FGGY: variants seen among roughly 807,000 people sequenced by gnomAD.
FGGY encodes the protein FGGY carbohydrate kinase domain containing, also known as FGGY carbohydrate kinase domain-containing protein.
FGGY carries 72 observed loss-of-function variants against 71.3 expected under a neutral mutation model. The observed-to-expected ratio is 1.01, with a 90% CI of 0.84 to 1.23. FGGY has a LOEUF of 1.23. FGGY is among the 50% of genes most tolerant of loss of function. The pLI, the probability that FGGY is intolerant of heterozygous loss-of-function variation, is 0.00. For missense variants in FGGY, 668 were observed against 682.3 expected, an observed-to-expected ratio of 0.98 and a Z score of 0.23; for synonymous variants, 251 against 250.3, an observed-to-expected ratio of 1.00 and a Z score of -0.02.
At chr1:59,744,606 G>A (rs759737337) in intron 14 of FGGY, among the ~76,000 whole-genome samples, 8 of 152,166 alleles carry the variant, frequency 5.3e-5, no homozygotes, top group East Asian at 1.9e-4. Context: ...GTCTGACATC[G>A]GACAATGAAG....
intron 1 of FGGY, among the ~76,000 whole-genome samples, chr1:59,320,222 A>T (rs2046151641): frequency 6.6e-6 from 1 of 152,242 alleles, no homozygotes; most frequent in Admixed American, 6.5e-5. Context: ...TTAAGACAGA[A>T]GCAATTACTT....
intron 9 of FGGY, among the ~76,000 whole-genome samples, chr1:59,613,352 AC>A (rs1177101595): frequency 1.3e-5 from 2 of 152,158 alleles, no homozygotes; most frequent in Non-Finnish European, 2.9e-5. Context: ...CTCACTCAAA[AC>A]CACTCAACTA....
intron 15 of FGGY, among the ~76,000 whole-genome samples, chr1:59,760,455 A>G (rs1011255955): frequency 6.6e-6 from 1 of 152,222 alleles, no homozygotes; most frequent in Non-Finnish European, 1.5e-5. Flanking sequence ...ATATACCCAA[A>G]AGAACTGAAA....
At chr1:59,504,004 A>T (rs1452784274) in intron 6 of FGGY, among the ~76,000 whole-genome samples, 1 of 152,150 alleles carries the variant, frequency 6.6e-6, no homozygotes, top group East Asian at 1.9e-4. Flanking sequence ...AGGCCAAAAA[A>T]AGTCTGAGCA....
intron 10 of FGGY, among the ~76,000 whole-genome samples, chr1:59,632,634 C>T (rs2096918511): frequency 6.6e-6 from 1 of 152,206 alleles, no homozygotes; most frequent in African/African-American, 2.4e-5. Flanking sequence ...GTATGTTTGG[C>T]ACTGTGCTTA....
At chr1:59,695,909 T>TA (rs1340945509) in intron 14 of FGGY, among the ~76,000 whole-genome samples, 3 of 152,304 alleles carry the variant, frequency 2.0e-5, no homozygotes, top group South Asian at 2.1e-4. Flanking sequence ...GGTTTTTTTT[T>TA]TATATATTAC....
rs750108624 is a variant in FGGY, at chr1:59,673,098, C to T, written c.1418-941C>T. ...ATACTGGTCTAAATGCCAGGGATTC[C>T]GCAGTAGTCAAAACAGAGTCCCTAC... On this transcript the variant is annotated intron_variant, in intron 13 of 15. Transcript: ENST00000303721. 2.0e-4 allele frequency among the ~76,000 whole-genome samples: 31 copies of T among 152,212 alleles called. No individual in the cohort carries two copies. The East Asian group carries it at 2.9e-3, about 14-fold the overall frequency.
At chr1:59,566,958 C>A (rs2095883056) in intron 8 of FGGY, among the ~76,000 whole-genome samples, 1 of 152,054 alleles carries the variant, frequency 6.6e-6, no homozygotes, top group African/African-American at 2.4e-5. Flanking sequence ...AGAAGGATAT[C>A]ATACAATAGT....
chr1:59,432,071 G>A (rs371292793), intron 5 of FGGY, among the ~76,000 whole-genome samples: 10 of 152,144 alleles, frequency 6.6e-5, no homozygotes, highest in African/African-American at 2.4e-4. Flanking sequence ...GAGAGAGGCT[G>A]GAGATTGAGT....
intron 11 of FGGY, among the ~76,000 whole-genome samples, chr1:59,646,424 ACCAAATTGGTGTTTT>A (rs959221540): frequency 6.6e-6 from 1 of 151,454 alleles, no homozygotes; most frequent in African/African-American, 2.4e-5. Flanking sequence ...TAATCACAAT[ACCAAATTGGTGTTTT>A]CCAAATTGGT....
intron 7 of FGGY, among the ~76,000 whole-genome samples, chr1:59,523,242 G>T (rs576228528): frequency 3.3e-5 from 5 of 152,332 alleles, no homozygotes; most frequent in African/African-American, 1.2e-4. Flanking sequence ...TGCAAGAGTA[G>T]GATCAGGTCC....
At chr1:59,687,632 A>ATTTTT in intron 14 of FGGY, among the ~76,000 whole-genome samples, 1 of 133,806 alleles carries the variant, frequency 7.5e-6, no homozygotes, top group East Asian at 2.2e-4. Flanking sequence ...ACACCTGGCT[A>ATTTTT]TTTTTTTTTT....
chr1:59,515,831 C>T (rs2094632692), intron 7 of FGGY, among the ~76,000 whole-genome samples: 1 of 152,184 alleles, frequency 6.6e-6, no homozygotes, highest in African/African-American at 2.4e-5. Flanking sequence ...TTCCCAGTCT[C>T]AGGTTTGTCT....
At chr1:59,640,382 A>G (rs1054274436) in intron 11 of FGGY, among the ~76,000 whole-genome samples, 3 of 152,230 alleles carry the variant, frequency 2.0e-5, no homozygotes, top group Admixed American at 6.5e-5. Flanking sequence ...GCTGGAAACT[A>G]CGATGATGCC....
chr1:59,425,433 GC>G (rs1212652784), intron 5 of FGGY, among the ~76,000 whole-genome samples: 1 of 151,838 alleles, frequency 6.6e-6, no homozygotes, highest in Admixed American at 6.6e-5. Context: ...TATAGATCTC[GC>G]CCTTCCCATT....
intron 6 of FGGY, among the ~76,000 whole-genome samples, chr1:59,501,862 C>G (rs1178808921): frequency 6.6e-6 from 1 of 152,164 alleles, no homozygotes; most frequent in Non-Finnish European, 1.5e-5. Context: ...CATCAAGGAT[C>G]TCTCCTCAAG....
At chr1:59,595,572 C>T (rs908753623) in intron 8 of FGGY, among the ~76,000 whole-genome samples, 18 of 152,038 alleles carry the variant, frequency 1.2e-4, no homozygotes, top group Non-Finnish European at 2.1e-4. Flanking sequence ...CAACTGCAGT[C>T]CCAGCTACTC....
chr1:59,678,222 A>T (rs1417196112), intron 14 of FGGY, among the ~76,000 whole-genome samples: 1 of 152,188 alleles, frequency 6.6e-6, no homozygotes, highest in African/African-American at 2.4e-5. Context: ...GGGAGGGGAC[A>T]CAAAGAAGGC....
intron 4 of FGGY, among the ~76,000 whole-genome samples, chr1:59,377,009 T>C (rs2058740475): frequency 6.6e-6 from 1 of 152,218 alleles, no homozygotes; most frequent in Non-Finnish European, 1.5e-5. Context: ...TGATTCTAAG[T>C]TCTTGGGAGA....
Sources: allele counts gnomAD v4.1 joint callset (sites outside exome capture counted in the v4.1 genomes callset), GRCh38; gene constraint gnomAD v4.1.1; transcripts MANE v1.5; gene names NCBI Gene and HGNC (gene_info 2026-07-23, HGNC 2026-07-21).